Variants in ALG1 observed in about 807,000 individuals in gnomAD.
The protein encoded by ALG1 is chitobiosyldiphosphodolichol beta-mannosyltransferase.
ALG1 carries 58 observed loss-of-function variants against 55.1 expected under a neutral mutation model. The observed-to-expected ratio is 1.05, with a 90% confidence interval of 0.85 to 1.31. The LOEUF (loss-of-function observed/expected upper bound fraction) is 1.31. Ranked by LOEUF, ALG1 falls within the 50% of genes most tolerant of loss-of-function variation. ALG1 has a pLI of 0.00. For missense variants in ALG1, 761 were observed against 598.6 expected (o/e 1.27, Z -2.83); for synonymous variants, 309 against 247.0 (o/e 1.25, Z -2.35).
At chr16:5,073,432 T>G in intron 3 of ALG1, 176 bp downstream of exon 3, 1 of 659,104 alleles carries the variant, frequency 1.5e-6, no homozygotes, top group East Asian at 2.7e-5. Flanking sequence ...ATGCTCTCTG[T>G]GTCATTACAG....
chr16:5,080,573 G>A (rs772720410), intron 9 of ALG1, among the ~76,000 whole-genome samples: 4 of 152,172 alleles, frequency 2.6e-5, no homozygotes, highest in South Asian at 2.1e-4. Flanking sequence ...TTTGGAACCC[G>A]CGCCATATGC....
chr16:5,078,466 G>A, intron 6 of ALG1: 1 of 640,940 alleles, frequency 1.6e-6, no homozygotes, highest in Non-Finnish European at 2.8e-6. Context: ...CTGGGGTGGT[G>A]TGGGAGGGCG....
chr16:5,073,073 G>T, intron 2 of ALG1, 45 bp downstream of exon 2: 11 of 1,611,688 alleles, frequency 6.8e-6, no homozygotes, highest in Non-Finnish European at 9.3e-6. Flanking sequence ...CATGGGCTGG[G>T]GGCAGGGGGT....
chr16:5,084,428 T>C (rs1957076635), intron 12 of ALG1: 2 of 524,240 alleles, frequency 3.8e-6, no homozygotes, highest in East Asian at 3.4e-5. Context: ...CACCCCCTTG[T>C]TACCCACAGA....
intron 11 of ALG1, among the ~76,000 whole-genome samples, chr16:5,083,028 T>G (rs1477312623): frequency 6.6e-6 from 1 of 152,358 alleles, no homozygotes; most frequent in Non-Finnish European, 1.5e-5. Flanking sequence ...GGGAATTGCC[T>G]GCAGGCTTAC....
At position 5,086,533 on chromosome 16, in the gene ALG1, C is replaced by T. The variant is rs940773673; in HGVS notation, c.*1652C>T. 1 of 151,976 alleles carries T rather than the reference C, an allele frequency of 6.6e-6. No homozygotes were observed. Among genetic ancestry groups the T allele is most frequent in the Admixed American group, 6.6e-5 (1 of 15,256 alleles). The allele number at this position is 151,976 out of a possible 1,614,324, so 9.4% of individuals were successfully genotyped here. Reference sequence around the variant, plus strand: ...GCACAGTCATTGCTCACTACAGCCTCGACTCCTGGGCTCTAGCAATCCTCC... The same window carrying T: ...GCACAGTCATTGCTCACTACAGCCTTGACTCCTGGGCTCTAGCAATCCTCC... On this transcript the variant is annotated 3_prime_UTR_variant, in exon 13 of 13. Coordinates refer to ENST00000262374, the MANE Select transcript of ALG1 (RefSeq NM_019109.5).
In ALG1 at chr16:5,077,471, C is replaced by G. The variant is rs1213181309; in HGVS notation, c.566C>G (p.Ser189Cys). The part of the protein sequence containing the change: ...KWYEKFFGRL[S>C]HLNLCVTNAM... Reference sequence around the variant, plus strand: ...TACGAGAAGTTCTTTGGGCGCCTGTCCCACCTGAACCTGTGTGTTACCAAT... The same window carrying G: ...TACGAGAAGTTCTTTGGGCGCCTGTGCCACCTGAACCTGTGTGTTACCAAT... Residue 189 changes from serine to cysteine, a missense_variant, in exon 5 of 13, where the codon TCC (serine) becomes TGC (cysteine). By Grantham distance (112) the Ser-to-Cys change is moderately radical. Transcript: ENST00000262374. 2 of 1,614,036 alleles carry G rather than the reference C, an allele frequency of 1.2e-6. No homozygotes were observed. Among genetic ancestry groups the G allele is most frequent in the Non-Finnish European group, 1.7e-6 (2 of 1,180,034 alleles).
intron 9 of ALG1, among the ~76,000 whole-genome samples, chr16:5,080,099 T>G: frequency 7.0e-6 from 1 of 142,840 alleles, no homozygotes. Flanking sequence ...TGAGACAGAG[T>G]CTCTGTCGCC....
intron 3 of ALG1, chr16:5,073,576 T>G (rs1328204939): frequency 4.7e-6 from 2 of 425,128 alleles, no homozygotes; most frequent in South Asian, 4.4e-5. Context: ...CTCATTTAGA[T>G]GAGAAAACCT....
intron 1 of ALG1, 32 bp downstream of exon 1, chr16:5,072,089 C>T: frequency 1.3e-6 from 2 of 1,552,752 alleles, no homozygotes; most frequent in Non-Finnish European, 1.7e-6. Flanking sequence ...AGGGACGATG[C>T]TCTCTCAGCC....
rs774489344 is a variant in ALG1, at chr16:5,073,194, C to G, written c.328C>G (p.Gln110Glu). 6.2e-7 allele frequency: 1 copy of G among 1,614,182 alleles called. No individual in the cohort carries two copies. Among genetic ancestry groups the G allele is most frequent in the Admixed American group, 1.7e-5 (1 of 60,018 alleles). ...VFQYGVKVVL[Q>E]AMYLLWKLMW... ...CCAGTACGGAGTCAAAGTTGTACTTCAGGCTATGTACTTGCTGTGGAAGTT... is the reference window on the plus strand; with the variant it reads ...CCAGTACGGAGTCAAAGTTGTACTTGAGGCTATGTACTTGCTGTGGAAGTT... The change falls in exon 3 of 13, where the codon CAG (glutamine) becomes GAG (glutamate). Residue 110 changes from glutamine to glutamate, a missense_variant. Gln to Glu is a conservative substitution (Grantham distance 29, BLOSUM62 2). Transcript: ENST00000262374.
At chr16:5,080,352 A>C (rs1017150166) in intron 9 of ALG1, among the ~76,000 whole-genome samples, 6 of 152,028 alleles carry the variant, frequency 3.9e-5, no homozygotes, top group African/African-American at 9.7e-5. Flanking sequence ...GGCACAAATC[A>C]CTGTGCCCGG....
intron 3 of ALG1, 118 bp downstream of exon 3, chr16:5,073,374 AG>A: frequency 1.2e-6 from 1 of 858,462 alleles, no homozygotes; most frequent in South Asian, 1.4e-5. Context: ...GGGCGTTTAA[AG>A]ACATGAGTAG....
At chr16:5,078,944 C>T (rs1956965342) in intron 7 of ALG1, 66 bp downstream of exon 7, 2 of 1,597,550 alleles carry the variant, frequency 1.3e-6, no homozygotes, top group East Asian at 2.3e-5. Flanking sequence ...GTGTTCTCCT[C>T]ACCCCTGCCA....
intron 8 of ALG1, among the ~76,000 whole-genome samples, chr16:5,079,479 C>A (rs1268831734): frequency 1.3e-5 from 2 of 152,282 alleles, no homozygotes; most frequent in South Asian, 4.1e-4. Flanking sequence ...CATCTGAGGT[C>A]AGGAGTTCGA....
At chr16:5,074,693 G>A (rs1051100104) in intron 3 of ALG1, among the ~76,000 whole-genome samples, 1 of 152,168 alleles carries the variant, frequency 6.6e-6, no homozygotes, top group Admixed American at 6.6e-5. Flanking sequence ...GTATGTTACT[G>A]GATAGCTTTA....
In ALG1 at chr16:5,085,952, G is replaced by A. The variant is rs1596267177; in HGVS notation, c.*1071G>A. On this transcript the variant is annotated 3_prime_UTR_variant, in exon 13 of 13. Coordinates refer to ENST00000262374, the MANE Select transcript of ALG1 (RefSeq NM_019109.5). ...AGAAATGGCTAGCAGCAGGCACCGT[G>A]CCGCTGTCCACTCTCTGCCTGTGTC... Among the ~76,000 whole-genome samples the A allele has an allele frequency of 1.3e-5, 2 of 152,202 alleles. No homozygotes were observed. The highest frequency in any genetic ancestry group is 3.9e-4 in the East Asian group (2 of 5,192).
intron 11 of ALG1, among the ~76,000 whole-genome samples, chr16:5,083,029 G>A (rs752777385): frequency 9.2e-5 from 14 of 152,220 alleles, no homozygotes; most frequent in Non-Finnish European, 1.9e-4. Flanking sequence ...GGAATTGCCT[G>A]CAGGCTTACA....
At position 5,075,486 on chromosome 16, in the gene ALG1, C is replaced by T. The variant is rs1487157569; in HGVS notation, c.489C>T (p.Ile163=). 1.2e-6 allele frequency: 2 copies of T among 1,614,044 alleles called. No individual in the cohort carries two copies. Among genetic ancestry groups the T allele is most frequent in the Non-Finnish European group, 8.5e-7 (1 of 1,180,040 alleles). The change falls in exon 4 of 13, where the codon ATC becomes ATT. Residue 163 remains isoleucine (I), a synonymous_variant. Coordinates refer to ENST00000262374, the MANE Select transcript of ALG1 (RefSeq NM_019109.5). ...VIDWHNYGYS[I]MGLVHGPNHP... ...ACTGGCACAACTATGGCTACTCCAT[C>T]ATGGGTCTGGTGCATGGCCCCAACC...
Sources: allele counts gnomAD v4.1 joint callset (sites outside exome capture counted in the v4.1 genomes callset), GRCh38; gene constraint gnomAD v4.1.1; transcripts MANE v1.5; gene names NCBI Gene and HGNC (gene_info 2026-07-23, HGNC 2026-07-21).